The following PTPRG variants were observed in gnomAD, a reference collection of about 807,000 sequenced individuals.
PTPRG encodes protein tyrosine phosphatase receptor type G.
Under a neutral mutation model 165.3 loss-of-function variants are expected in PTPRG, and 102 were observed. The ratio of observed to expected loss-of-function variants is 0.62; its 90% CI spans 0.53 to 0.73. The LOEUF (loss-of-function observed/expected upper bound fraction) is 0.73, where lower values mean the gene tolerates loss of function less well. Ranked by LOEUF, PTPRG falls within the 30% of genes least tolerant of loss-of-function variation. PTPRG has a pLI of 0.00. For missense variants in PTPRG, 1,866 were observed against 1,861.4 expected, an observed-to-expected ratio of 1.00 and a Z score of -0.05; for synonymous variants, 675 against 669.5, an observed-to-expected ratio of 1.01 and a Z score of -0.13.
intron 4 of PTPRG, among the ~76,000 whole-genome samples, chr3:62,072,647 T>TG (rs1559780661): frequency 1.1e-4 from 15 of 140,260 alleles, no homozygotes; most frequent in African/African-American, 4.4e-4. Context: ...GTGTGTGTGT[T>TG]TTATGTATAT....
intron 19 of PTPRG, 108 bp from the exon 20 acceptor site, chr3:62,268,927 C>T: frequency 8.0e-7 from 1 of 1,253,454 alleles, no homozygotes; most frequent in Non-Finnish European, 1.1e-6. Flanking sequence ...TTTCAGTCAA[C>T]TAAATGGCAA....
At chr3:62,084,761 C>T (rs1015748622) in intron 5 of PTPRG, among the ~76,000 whole-genome samples, 1 of 152,144 alleles carries the variant, frequency 6.6e-6, no homozygotes, top group African/African-American at 2.4e-5. Context: ...TTCCTTTGAC[C>T]CACTCTGACT....
chr3:62,261,531 A>G (rs1701698211), intron 16 of PTPRG, among the ~76,000 whole-genome samples: 1 of 152,112 alleles, frequency 6.6e-6, no homozygotes, highest in Non-Finnish European at 1.5e-5. Context: ...AGAGTAAGGA[A>G]AGGGTAAGAA....
At chr3:61,610,249 C>T (rs1041151610) in intron 1 of PTPRG, among the ~76,000 whole-genome samples, 3 of 151,806 alleles carry the variant, frequency 2.0e-5, no homozygotes, top group Non-Finnish European at 4.4e-5. Flanking sequence ...TGGAATAGTG[C>T]CTGGCGCAGT....
At chr3:61,756,068 C>T (rs1279601611) in intron 2 of PTPRG, among the ~76,000 whole-genome samples, 1 of 151,908 alleles carries the variant, frequency 6.6e-6, no homozygotes, top group Non-Finnish European at 1.5e-5. Flanking sequence ...AATTGTTGTC[C>T]CCAAGATGAT....
intron 5 of PTPRG, among the ~76,000 whole-genome samples, chr3:62,113,569 C>T (rs572373152): frequency 1.4e-4 from 22 of 152,122 alleles, no homozygotes; most frequent in Non-Finnish European, 2.8e-4. Flanking sequence ...AATGTGTTTT[C>T]GAAATGCAGA....
chr3:61,659,448 G>A (rs1702600275), intron 1 of PTPRG: 1 of 985,074 alleles, frequency 1.0e-6, no homozygotes, highest in African/African-American at 1.7e-5. Flanking sequence ...GCCTTTGCAG[G>A]TTTGTCCAGA....
At chr3:61,742,118 A>G (rs2033015207) in intron 1 of PTPRG, among the ~76,000 whole-genome samples, 2 of 152,184 alleles carry the variant, frequency 1.3e-5, no homozygotes, top group Admixed American at 6.5e-5. Flanking sequence ...AAATTAACAC[A>G]GAAGAGTTAA....
chr3:61,919,073 A>G (rs917674188), intron 2 of PTPRG, among the ~76,000 whole-genome samples: 1 of 152,174 alleles, frequency 6.6e-6, no homozygotes, highest in Non-Finnish European at 1.5e-5. Context: ...AATGTTCCCA[A>G]AAGTCGGGGC....
chr3:61,855,641 A>G (rs1363802472), intron 2 of PTPRG, among the ~76,000 whole-genome samples: 1 of 148,176 alleles, frequency 6.7e-6, no homozygotes, highest in Non-Finnish European at 1.5e-5. Flanking sequence ...AATAATATGA[A>G]AGGGTAGGCC....
rs1390158854 is a variant in PTPRG, at chr3:62,228,632, G to A, written c.2289-2593G>A. Among the ~76,000 whole-genome samples the A allele has an allele frequency of 1.3e-5, 2 of 152,170 alleles. No individual in the cohort carries two copies. The highest frequency in any genetic ancestry group is 2.4e-5 in the African/African-American group (1 of 41,438). On this transcript the variant is annotated intron_variant, in intron 13 of 29. Coordinates refer to ENST00000474889, the MANE Select transcript of PTPRG (RefSeq NM_002841.4). This position sits in a 1 kb window ranked among gnomAD's most constrained non-coding sequence, Gnocchi z 4.1. ...ATCATGGCACATTCATTATTTCTTA[G>A]GGCAAACTCTGCCAAACTGCCCTTC... is the stretch of plus-strand genomic sequence containing the variant.
chr3:61,718,170 A>C (rs1432452500), intron 1 of PTPRG, among the ~76,000 whole-genome samples: 2 of 150,114 alleles, frequency 1.3e-5, no homozygotes, highest in Non-Finnish European at 3.0e-5. Context: ...ACTGAGCAAG[A>C]CCCTGTCTAA....
intron 1 of PTPRG, among the ~76,000 whole-genome samples, chr3:61,691,029 G>A (rs2030173109): frequency 6.6e-6 from 1 of 152,114 alleles, no homozygotes; most frequent in East Asian, 1.9e-4. Flanking sequence ...AATATGGCAC[G>A]CCATCAATGT....
At chr3:61,792,376 A>C (rs2034902395) in intron 2 of PTPRG, among the ~76,000 whole-genome samples, 1 of 151,746 alleles carries the variant, frequency 6.6e-6, no homozygotes, top group Admixed American at 6.6e-5. Context: ...GGTGTGCGCC[A>C]CCATGCCCAG....
At chr3:62,017,920 A>G (rs2041592202) in intron 4 of PTPRG, among the ~76,000 whole-genome samples, 1 of 152,190 alleles carries the variant, frequency 6.6e-6, no homozygotes, top group Non-Finnish European at 1.5e-5. Flanking sequence ...TGAGATTATC[A>G]GTTTCATTCA....
chr3:61,724,669 T>G (rs1045764179), intron 1 of PTPRG, among the ~76,000 whole-genome samples: 1 of 152,116 alleles, frequency 6.6e-6, no homozygotes, highest in Non-Finnish European at 1.5e-5. Context: ...ACCACTATTT[T>G]TTTATTTTAG....
At chr3:61,765,326 A>C (rs2033984915) in intron 2 of PTPRG, among the ~76,000 whole-genome samples, 1 of 152,230 alleles carries the variant, frequency 6.6e-6, no homozygotes. Context: ...TCGTAATGTC[A>C]CATGGAGGTG....
intron 8 of PTPRG, among the ~76,000 whole-genome samples, chr3:62,169,195 G>C (rs1278264518): frequency 1.3e-5 from 2 of 152,022 alleles, no homozygotes; most frequent in African/African-American, 4.8e-5. Flanking sequence ...AGGGCCCAAG[G>C]GTCTCCAAAT....
intron 1 of PTPRG, among the ~76,000 whole-genome samples, chr3:61,698,602 C>A (rs901096172): frequency 1.3e-5 from 2 of 152,032 alleles, no homozygotes; most frequent in Non-Finnish European, 2.9e-5. Flanking sequence ...GGTTCTGAAA[C>A]CTTTTAATTT....
Sources: allele counts gnomAD v4.1 joint callset (sites outside exome capture counted in the v4.1 genomes callset), GRCh38; gene constraint gnomAD v4.1.1; non-coding constraint Gnocchi (gnomAD v3.1); transcripts MANE v1.5; gene names NCBI Gene and HGNC (gene_info 2026-07-23, HGNC 2026-07-21).